DNAH2: variants seen among roughly 807,000 people sequenced by gnomAD.
The protein encoded by DNAH2 is dynein axonemal heavy chain 2, also known as axonemal beta dynein heavy chain 2.
Under a neutral mutation model 523.5 loss-of-function variants are expected in DNAH2, and 323 were observed. The observed-to-expected ratio is 0.62, with a 90% CI of 0.56 to 0.68. The LOEUF is 0.68. Ranked by LOEUF, DNAH2 falls within the 30% of genes least tolerant of loss-of-function variation. The probability of loss-of-function intolerance (pLI) is 0.00; values close to 1 mark genes in which losing one functional copy is unlikely to be tolerated. For missense variants in DNAH2, 4,907 were observed against 5,701.5 expected (o/e 0.86, Z 4.49); for synonymous variants, 2,093 against 2,177.4 (o/e 0.96, Z 1.08).
chr17:7,730,960 C>CA (rs1296303801), intron 4 of DNAH2, among the ~76,000 whole-genome samples: 2 of 150,626 alleles, frequency 1.3e-5, no homozygotes, highest in Non-Finnish European at 3.0e-5. Flanking sequence ...ACTAAAAATA[C>CA]AAAAAAAATT....
In DNAH2 at chr17:7,833,406, A is replaced by G. The variant is rs968063842; in HGVS notation, c.13157A>G (p.Tyr4386Cys). 6.2e-7 allele frequency: 1 copy of G among 1,613,966 alleles called. No individual in the cohort carries two copies. Among genetic ancestry groups the G allele is most frequent in the Non-Finnish European group, 8.5e-7 (1 of 1,180,012 alleles). Reference protein sequence around the residue: ...KGMYSCPCYYYPNRAGSSDRA... With the variant: ...KGMYSCPCYYCPNRAGSSDRA... ...ATGTACTCCTGCCCCTGCTATTACT[A>G]TCCCAACCGGGCAGGCAGCTCAGAC... Residue 4386 changes from tyrosine to cysteine, a missense_variant, in exon 86 of 86, where the codon TAT (tyrosine) becomes TGT (cysteine). Around this residue, in one of 3 missense-constraint regions of DNAH2, gnomAD observed 1,851 missense variants for 2,139.4 expected, o/e 0.87. Transcript: ENST00000572933.
Position 7,786,635 on chromosome 17 carries a change from C to T in DNAH2, c.6414C>T (p.Thr2138=), listed in dbSNP as rs2076742540. ...GELYGEYDLS[T]NEWTDGILSS... Reference sequence around the variant, plus strand: ...TGTATGGGGAATATGACCTCAGCACCAATGAATGGACAGATGGCATCTTGT... The same window carrying T: ...TGTATGGGGAATATGACCTCAGCACTAATGAATGGACAGATGGCATCTTGT... Residue 2138 remains threonine, a synonymous_variant, in exon 41 of 86, where the codon ACC becomes ACT. Transcript: ENST00000572933. This position sits in a 1 kb window ranked among gnomAD's most constrained non-coding sequence, Gnocchi z 7.5. 3.1e-6 allele frequency: 5 copies of T among 1,613,972 alleles called. No homozygotes were observed. The highest frequency in any genetic ancestry group is 3.4e-6 in the Non-Finnish European group (4 of 1,180,046).
intron 7 of DNAH2, among the ~76,000 whole-genome samples, chr17:7,735,983 C>T (rs1034337502): frequency 6.6e-6 from 1 of 151,814 alleles, no homozygotes; most frequent in Non-Finnish European, 1.5e-5. Flanking sequence ...GAACTCCTGA[C>T]CTCAGGTGAT....
At chr17:7,813,240 T>C (rs2077568963) in intron 63 of DNAH2, among the ~76,000 whole-genome samples, 1 of 152,048 alleles carries the variant, frequency 6.6e-6, no homozygotes, top group Non-Finnish European at 1.5e-5. Flanking sequence ...AATTTCTCTT[T>C]TTTTCTTTTG....
Position 7,817,599 on chromosome 17 carries a change from CA to C in DNAH2, c.10060del (p.Ile3354SerfsTer40). ...LQVPCSPSFA[I>X]DNFLCNPTKV... ...AGGTTCCTTGCTCCCCTTCTTTCGCCATCGATAACTTCCTGTGCAATCCTAC... is the reference window on the plus strand; with the variant it reads ...AGGTTCCTTGCTCCCCTTCTTTCGCCTCGATAACTTCCTGTGCAATCCTAC... On this transcript the variant is annotated frameshift_variant, in exon 66 of 86. Transcript: ENST00000572933. LOFTEE classifies it high-confidence loss of function. 1 of 1,614,196 alleles carries C rather than the reference CA, an allele frequency of 6.2e-7. No homozygotes were observed. Among genetic ancestry groups the C allele is most frequent in the Non-Finnish European group, 8.5e-7 (1 of 1,180,026 alleles).
intron 18 of DNAH2, among the ~76,000 whole-genome samples, chr17:7,762,679 G>A (rs1311436093): frequency 6.6e-6 from 1 of 152,062 alleles, no homozygotes; most frequent in East Asian, 1.9e-4. Context: ...AGTGGGGAAG[G>A]CATTCCATGT....
intron 44 of DNAH2, among the ~76,000 whole-genome samples, chr17:7,788,694 T>C (rs1597662079): frequency 6.6e-6 from 1 of 152,324 alleles, no homozygotes; most frequent in Non-Finnish European, 1.5e-5. Context: ...AAAACTGTGC[T>C]CAGTTTAGAA....
Position 7,760,056 on chromosome 17 carries a change from C to T in DNAH2, c.2785+118C>T, listed in dbSNP as rs1390197489. On this transcript the variant is annotated intron_variant, in intron 17 of 85. Transcript: ENST00000572933. This position sits in a 1 kb window ranked among gnomAD's most constrained non-coding sequence, Gnocchi z 4.0. ...ATACTGGGCCAGTCACCTCCCTGAC[C>T]TGGGGAAAACTCAGGTCAAGGGGCC... 1 of 1,480,160 alleles carries T rather than the reference C, an allele frequency of 6.8e-7. No individual in the cohort carries two copies. The highest frequency in any genetic ancestry group is 1.4e-5 in the African/African-American group (1 of 72,312). The allele number at this position is 1,480,160 out of a possible 1,614,324, so 91.7% of individuals were successfully genotyped here. A position where few individuals can be genotyped will look rare whatever the true frequency, so the allele number is the denominator to read the frequency against.
intron 7 of DNAH2, among the ~76,000 whole-genome samples, chr17:7,735,288 G>A (rs145486415): frequency 0.027 from 4,054 of 152,014 alleles, 90 homozygotes; most frequent in Non-Finnish European, 0.038. Flanking sequence ...CCGCCACCAA[G>A]CCTGGCTAAT....
chr17:7,821,414 TGG>T lies in DNAH2; in HGVS notation c.11142+48_11142+49del, dbSNP rs1567756772. The T allele has an allele frequency of 1.2e-5, 19 of 1,591,052 alleles. No individual in the cohort carries two copies. Among genetic ancestry groups the T allele is most frequent in the Non-Finnish European group, 1.5e-5 (18 of 1,166,540 alleles). ...CATCCCAGGATGGGATGGTCAAGGTTGGGGATGAGGGCAAGTGTGACAAGGAC... is the reference window on the plus strand; with the variant it reads ...CATCCCAGGATGGGATGGTCAAGGTTGGATGAGGGCAAGTGTGACAAGGAC... On this transcript the variant is annotated intron_variant, in intron 73 of 85. Transcript: ENST00000572933. This position sits in a 1 kb window ranked among gnomAD's most constrained non-coding sequence, Gnocchi z 5.0.
At chr17:7,740,734 C>T (rs758161538) in intron 10 of DNAH2, 76 bp from the exon 11 acceptor site, 32 of 1,555,160 alleles carry the variant, frequency 2.1e-5, no homozygotes, top group Non-Finnish European at 2.7e-5. Context: ...CGGGGTGCAG[C>T]TTTCCTCTGG....
At position 7,722,700 on chromosome 17, in the gene DNAH2, A is replaced by T. The variant is rs79120858; in HGVS notation, c.167-928A>T. Among the ~76,000 whole-genome samples the T allele has an allele frequency of 3.4e-3, 520 of 152,214 alleles. 3 individuals carry two copies. The highest frequency in any genetic ancestry group is 0.012 in the African/African-American group (480 of 41,538). ...TGTTTTCGAGGATCATCCATGTTGT[A>T]GCATGAACCACACCGCCATGCCTTC... On this transcript the variant is annotated intron_variant, in intron 2 of 85. Coordinates refer to ENST00000572933, the MANE Select transcript of DNAH2 (RefSeq NM_020877.5).
chr17:7,732,670 C>T (rs1043850093), intron 4 of DNAH2, among the ~76,000 whole-genome samples: 4 of 152,124 alleles, frequency 2.6e-5, no homozygotes, highest in Non-Finnish European at 5.9e-5. Flanking sequence ...GAAATATATG[C>T]AACCAAAATG....
rs750219282 is a variant in DNAH2, at chr17:7,776,035, C to T, written c.4833C>T (p.Gly1611=). The change falls in exon 31 of 86, where the codon GGC becomes GGT. Residue 1611 remains glycine, a synonymous_variant. Transcript: ENST00000572933. ...CCACCTCCCCCCAGTCCTGGCTTGG[C>T]GATGTGGAACAGACCATGAGGGTGA... ...FLEGPVESWL[G]DVEQTMRVTL... The T allele has an allele frequency of 8.7e-6, 14 of 1,613,566 alleles. No homozygotes were observed. Among genetic ancestry groups the T allele is most frequent in the African/African-American group, 5.3e-5 (4 of 74,906 alleles).
intron 39 of DNAH2, among the ~76,000 whole-genome samples, chr17:7,782,802 T>TA (rs565084045): frequency 1.0e-4 from 15 of 147,452 alleles, no homozygotes; most frequent in Admixed American, 1.3e-4. Context: ...CTCCATCTCT[T>TA]AAAAAAAAAA....
At chr17:7,753,592 T>C (rs561869818) in intron 12 of DNAH2, among the ~76,000 whole-genome samples, 122 of 152,254 alleles carry the variant, frequency 8.0e-4, no homozygotes, top group Middle Eastern at 6.8e-3. Context: ...AAGAGGACCG[T>C]GGTCCAGAAG....
Position 7,807,553 on chromosome 17 carries a change from C to G in DNAH2, c.9696C>G (p.Ala3232=), listed in dbSNP as rs372988182. 3.7e-6 allele frequency: 6 copies of G among 1,612,724 alleles called. No homozygotes were observed. The South Asian group carries it at 6.6e-5, about 18-fold the overall frequency. ...TGGCTCAGCTTCGGGAGAAGCAAGCCGCGCTCGCTGAGGCCCAGGAGAAGC... is the reference window on the plus strand; with the variant it reads ...TGGCTCAGCTTCGGGAGAAGCAAGCGGCGCTCGCTGAGGCCCAGGAGAAGC... ...AALAQLREKQ[A]ALAEAQEKLR... is the part of the protein sequence containing the mutation. The change falls in exon 63 of 86, where the codon GCC becomes GCG. Residue 3232 remains alanine, a synonymous_variant. Coordinates refer to ENST00000572933, the MANE Select transcript of DNAH2 (RefSeq NM_020877.5). The surrounding 1 kb of genome is among the most constrained non-coding windows in gnomAD (Gnocchi z 5.6).
intron 12 of DNAH2, among the ~76,000 whole-genome samples, chr17:7,751,046 G>A (rs1406708095): frequency 6.6e-6 from 1 of 151,924 alleles, no homozygotes; most frequent in African/African-American, 2.4e-5. Flanking sequence ...TCAGGTCGTG[G>A]GAATGTTTAT....
rs1567688262 is a variant in DNAH2 at position 7,781,148 on chromosome 17, C to T, written c.6110C>T (p.Pro2037Leu). Residue 2037 changes from proline to leucine, a missense_variant, in exon 39 of 86, where the codon CCT becomes CTT. Physicochemically the swap from Pro to Leu is moderately conservative, Grantham distance 98. Around this residue, in one of 3 missense-constraint regions of DNAH2, gnomAD observed 2,806 missense variants for 3,190.8 expected, o/e 0.88. Transcript: ENST00000572933. ...VQDLFPNIELPVIDYGKLRET... is the reference protein window; with the variant it reads ...VQDLFPNIELLVIDYGKLRET... ...GATCTGTTTCCCAACATTGAGCTGCCTGTCATTGACTATGGCAAGGTATTT... is the reference window on the plus strand; with the variant it reads ...GATCTGTTTCCCAACATTGAGCTGCTTGTCATTGACTATGGCAAGGTATTT... 1.9e-6 allele frequency: 3 copies of T among 1,614,198 alleles called. No homozygotes were observed. Among genetic ancestry groups the T allele is most frequent in the Non-Finnish European group, 2.5e-6 (3 of 1,180,038 alleles).
Sources: gnomAD v4.1 joint callset for allele counts (sites outside exome capture counted in the v4.1 genomes callset) on GRCh38, gnomAD v4.1.1 for gene constraint, gnomAD v4.1.1 regional missense constraint, Gnocchi (gnomAD v3.1) non-coding constraint, MANE v1.5 for transcripts, NCBI Gene and HGNC (gene_info 2026-07-23, HGNC 2026-07-21) for gene names.